Variants in DNAJC13 observed in about 807,000 individuals in gnomAD.
DNAJC13 encodes the protein dnaJ homolog subfamily C member 13.
Under a neutral mutation model 290.5 loss-of-function variants are expected in DNAJC13, and 75 were observed. The observed-to-expected ratio is 0.26, with a 90% CI of 0.21 to 0.31. DNAJC13 has a LOEUF of 0.31. Ranked by LOEUF, DNAJC13 falls within the 10% of genes least tolerant of loss-of-function variation. The pLI, the probability that DNAJC13 is intolerant of heterozygous loss-of-function variation, is 1.00. For synonymous variants in DNAJC13, 862 were observed against 892.0 expected (o/e 0.97, Z 0.60); for missense variants, 2,260 against 2,674.5 (o/e 0.85, Z 3.42).
Position 132,502,585 on chromosome 3 carries a change from A to G in DNAJC13, c.4716+117A>G. ...CAGAGATAAATTGTTTTTCAGGAAAATTAGGTTTTTTGCTTTTTAAACCTA... is the reference window on the plus strand; with the variant it reads ...CAGAGATAAATTGTTTTTCAGGAAAGTTAGGTTTTTTGCTTTTTAAACCTA... On this transcript the variant is annotated intron_variant, in intron 40 of 55. Transcript: ENST00000260818. 3.0e-6 allele frequency: 3 copies of G among 1,004,118 alleles called. No homozygotes were observed. In the South Asian group the frequency reaches 8.4e-5, roughly 28 times the overall value. 62.2% of individuals were successfully genotyped at this position (1,004,118 alleles called of 1,614,324 possible).
chr3:132,536,365 G>A (rs1031940129), intron 55 of DNAJC13, among the ~76,000 whole-genome samples: 1 of 152,076 alleles, frequency 6.6e-6, no homozygotes, highest in Non-Finnish European at 1.5e-5. Flanking sequence ...GGAGTTCAAG[G>A]CAACATAGTG....
intron 34 of DNAJC13, among the ~76,000 whole-genome samples, chr3:132,494,729 C>G (rs903054332): frequency 2.6e-5 from 4 of 152,060 alleles, no homozygotes; most frequent in Non-Finnish European, 5.9e-5. Context: ...TAGACTAAAA[C>G]TGTATATTTT....
chr3:132,517,939 A>G (rs1935966270), intron 48 of DNAJC13, among the ~76,000 whole-genome samples: 1 of 152,274 alleles, frequency 6.6e-6, no homozygotes, highest in Non-Finnish European at 1.5e-5. Flanking sequence ...GACAAGCAAG[A>G]TTACATTTGG....
intron 21 of DNAJC13, among the ~76,000 whole-genome samples, chr3:132,473,741 CTTCT>C (rs1005089303): frequency 6.6e-6 from 1 of 152,072 alleles, no homozygotes; most frequent in Admixed American, 6.5e-5. Flanking sequence ...GTTTGCAAAG[CTTCT>C]TTAAGATAAC....
At chr3:132,457,396 G>A (rs1052142648) in intron 13 of DNAJC13, 28 bp downstream of exon 13, 1 of 1,569,530 alleles carries the variant, frequency 6.4e-7, no homozygotes, top group Non-Finnish European at 8.7e-7. Flanking sequence ...TAAGGAAACT[G>A]GTTTTTCTTA....
At position 132,500,901 on chromosome 3, in the gene DNAJC13, A is replaced by G. The variant is rs770448019; in HGVS notation, c.4524A>G (p.Leu1508=). Residue 1508 remains leucine, a synonymous_variant, in exon 39 of 56, where the codon CTA becomes CTG. Transcript: ENST00000260818. ...PSIIKDLCRV[L]YFGKSIPRVA... The stretch of plus-strand genomic sequence containing the variant: ...TCATCAAGGATCTCTGTCGGGTACT[A>G]TATTTTGGCAAGGTAGGGTTAATCT... The G allele has an allele frequency of 5.6e-6, 9 of 1,613,936 alleles. No individual in the cohort carries two copies. In the South Asian group the frequency reaches 7.7e-5, roughly 14 times the overall value.
Position 132,460,228 on chromosome 3 carries a change from GTT to G in DNAJC13, c.1450-11_1450-10del, listed in dbSNP as rs57140786. 504 of 1,235,778 alleles carry G rather than the reference GTT, an allele frequency of 4.1e-4. No homozygotes were observed. The highest frequency in any genetic ancestry group is 1.8e-3 in the East Asian group (67 of 37,430). The allele number at this position is 1,235,778 out of a possible 1,614,324, so 76.6% of individuals were successfully genotyped here. A position where few individuals can be genotyped will look rare whatever the true frequency, so the allele number is the denominator to read the frequency against. On this transcript the variant is annotated intron_variant, in intron 13 of 55. Coordinates refer to ENST00000260818, the MANE Select transcript of DNAJC13 (RefSeq NM_015268.4). ...ATGGGACTGCTTATGAATTATCACT[GTT>G]TTTTTTTTTTCATCAATAGCCCATG...
chr3:132,508,686 C>T (rs1440925544), intron 43 of DNAJC13, among the ~76,000 whole-genome samples: 7 of 152,160 alleles, frequency 4.6e-5, no homozygotes, highest in Non-Finnish European at 1.0e-4. Flanking sequence ...TACTCAGTAC[C>T]TGGGTGACAG....
intron 2 of DNAJC13, among the ~76,000 whole-genome samples, chr3:132,440,300 T>G (rs573238959): frequency 3.9e-5 from 6 of 152,322 alleles, no homozygotes; most frequent in Non-Finnish European, 7.3e-5. Context: ...ATGTACTAAT[T>G]ATAATTTGTT....
At chr3:132,420,591 CAAGT>C (rs1234286615) in intron 1 of DNAJC13, among the ~76,000 whole-genome samples, 1 of 150,886 alleles carries the variant, frequency 6.6e-6, no homozygotes, top group South Asian at 2.1e-4. Flanking sequence ...CTTTCAGTAA[CAAGT>C]AACCCACAAA....
At chr3:132,462,142 T>C (rs1236521827) in intron 15 of DNAJC13, among the ~76,000 whole-genome samples, 4 of 152,190 alleles carry the variant, frequency 2.6e-5, no homozygotes, top group African/African-American at 7.2e-5. Context: ...ATAGTACTTA[T>C]TAGATACATG....
chr3:132,449,880 T>C (rs1933367597), intron 5 of DNAJC13, among the ~76,000 whole-genome samples: 1 of 152,180 alleles, frequency 6.6e-6, no homozygotes. Flanking sequence ...ATTTTCTCTT[T>C]GCTTCAGTTT....
At chr3:132,490,747 G>A in intron 31 of DNAJC13, 150 bp from the exon 32 acceptor site, 1 of 796,848 alleles carries the variant, frequency 1.3e-6, no homozygotes, top group Non-Finnish European at 1.8e-6. Flanking sequence ...ACATTTTGCT[G>A]TGTTTCCATC....
At chr3:132,460,910 C>A (rs1397996289) in intron 14 of DNAJC13, 140 bp from the exon 15 acceptor site, 1 of 776,416 alleles carries the variant, frequency 1.3e-6, no homozygotes, top group Non-Finnish European at 2.0e-6. Context: ...AGTCATCCAA[C>A]TTTGAACCTC....
chr3:132,424,055 A>T (rs1939029955), intron 1 of DNAJC13, among the ~76,000 whole-genome samples: 1 of 152,206 alleles, frequency 6.6e-6, no homozygotes, highest in Non-Finnish European at 1.5e-5. Context: ...GTTATGCTTC[A>T]AAGATAAAAT....
At chr3:132,525,183 A>C (rs1270736779) in intron 51 of DNAJC13, among the ~76,000 whole-genome samples, 1 of 152,154 alleles carries the variant, frequency 6.6e-6, no homozygotes, top group Non-Finnish European at 1.5e-5. Context: ...ACTAAAAAAA[A>C]TACAAAATTA....
intron 21 of DNAJC13, among the ~76,000 whole-genome samples, chr3:132,473,799 G>A (rs1226386743): frequency 6.6e-6 from 1 of 151,970 alleles, no homozygotes; most frequent in Non-Finnish European, 1.5e-5. Context: ...TTATACCTTG[G>A]CCAATAAAGA....
intron 1 of DNAJC13, among the ~76,000 whole-genome samples, chr3:132,428,891 C>A (rs184727020): frequency 6.6e-6 from 1 of 150,538 alleles, no homozygotes; most frequent in African/African-American, 2.5e-5. Context: ...TTCTCCACCA[C>A]GCCTGGCTAA....
chr3:132,428,231 A>G (rs1218987756), intron 1 of DNAJC13, among the ~76,000 whole-genome samples: 1 of 152,186 alleles, frequency 6.6e-6, no homozygotes, highest in Admixed American at 6.5e-5. Flanking sequence ...GTGCATTGCC[A>G]TTACCTTCAT....
Sources: gnomAD v4.1 joint callset for allele counts (sites outside exome capture counted in the v4.1 genomes callset) on GRCh38, gnomAD v4.1.1 for gene constraint, MANE v1.5 for transcripts, NCBI Gene and HGNC (gene_info 2026-07-23, HGNC 2026-07-21) for gene names.